Variants in DPH5 observed in about 807,000 individuals in gnomAD.
DPH5 encodes diphthine methyl ester synthase.
Under a neutral mutation model 31.6 loss-of-function variants are expected in DPH5, and 31 were observed. That is an observed-to-expected ratio of 0.98 (90% CI 0.74 to 1.32). The LOEUF (loss-of-function observed/expected upper bound fraction) is 1.32. Among genes scored for constraint, DPH5 ranks in the 40% most tolerant of loss-of-function variants. The probability of loss-of-function intolerance (pLI) is 0.00; values close to 1 mark genes in which losing one functional copy is unlikely to be tolerated. For missense variants in DPH5, 309 were observed against 335.7 expected (o/e 0.92, Z 0.62); for synonymous variants, 120 against 115.0 (o/e 1.04, Z -0.28).
At chr1:101,020,270 A>G (rs1660353366) in intron 3 of DPH5, among the ~76,000 whole-genome samples, 1 of 152,120 alleles carries the variant, frequency 6.6e-6, no homozygotes, top group Non-Finnish European at 1.5e-5. Flanking sequence ...AACCACCACT[A>G]ATCAACTCCA....
chr1:100,992,687 T>C lies in DPH5; in HGVS notation c.584A>G (p.Gln195Arg), dbSNP rs750826520. 2 of 1,613,896 alleles carry C rather than the reference T, an allele frequency of 1.2e-6. No individual in the cohort carries two copies. Among genetic ancestry groups the C allele is most frequent in the Non-Finnish European group, 1.7e-6 (2 of 1,179,946 alleles). Residue 195 changes from glutamine to arginine, a missense_variant, in exon 7 of 8, where the codon CAG (glutamine) becomes CGG (arginine). By Grantham distance (43) the Gln-to-Arg change is conservative. Coordinates refer to ENST00000370109, the MANE Select transcript of DPH5 (RefSeq NM_015958.3). The stretch of plus-strand genomic sequence containing the variant: ...ATTTTGAACAATCTCCAGAAGCTGC[T>C]GGGCTGCTTGGTTTACACTCATATA... ...PRYMSVNQAA[Q>R]QLLEIVQNQR...
chr1:101,021,498 C>T (rs760062907), intron 3 of DPH5, 143 bp downstream of exon 3: 22 of 722,120 alleles, frequency 3.0e-5, no homozygotes, highest in Admixed American at 6.4e-5. Flanking sequence ...AAAGTTTAAA[C>T]TATGACATTT....
chr1:101,010,257 C>T (rs954132071), intron 4 of DPH5, among the ~76,000 whole-genome samples: 32 of 152,132 alleles, frequency 2.1e-4, no homozygotes, highest in Non-Finnish European at 2.1e-4. Flanking sequence ...GCCTCTAATA[C>T]ACTTTTTATT....
intron 3 of DPH5, among the ~76,000 whole-genome samples, chr1:101,017,131 T>C (rs1660136394): frequency 6.6e-6 from 1 of 152,122 alleles, no homozygotes; most frequent in African/African-American, 2.4e-5. Flanking sequence ...AGTGAGAACA[T>C]GCTGTCAGAA....
intron 2 of DPH5, chr1:101,024,835 G>T (rs1241272830): frequency 1.3e-5 from 2 of 157,472 alleles, no homozygotes; most frequent in African/African-American, 4.8e-5. Context: ...CTTATTGGGA[G>T]ATAGTCTATT....
rs374397647 is a variant in DPH5, at chr1:100,992,806, A to G, written c.531-66T>C. ...AACTACATAATATGTTATTAATGCAATTAGCTCTCCCAGGTATACTCAAGT... is the reference window on the plus strand; with the variant it reads ...AACTACATAATATGTTATTAATGCAGTTAGCTCTCCCAGGTATACTCAAGT... On this transcript the variant is annotated intron_variant, in intron 6 of 7. Coordinates refer to ENST00000370109, the MANE Select transcript of DPH5 (RefSeq NM_015958.3). 1,470 of 1,102,486 alleles carry G rather than the reference A, an allele frequency of 1.3e-3. 41 individuals are homozygous for G. The South Asian group carries it at 0.019, about 14-fold the overall frequency. 68.3% of individuals were successfully genotyped at this position (1,102,486 alleles called of 1,614,324 possible). A position where few individuals can be genotyped will look rare whatever the true frequency, so the allele number is the denominator to read the frequency against.
Position 101,025,379 on chromosome 1 carries a change from ACTT to A in DPH5, c.62_64del (p.Glu21del). The A allele has an allele frequency of 6.2e-7, 1 of 1,614,198 alleles. No homozygotes were observed. The highest frequency in any genetic ancestry group is 8.5e-7 in the Non-Finnish European group (1 of 1,180,036). On this transcript the variant is annotated inframe_deletion, in exon 2 of 8. Transcript: ENST00000370109. ...ATACACTCGACTGCAGCGTCTAACA[ACTT>A]CCAGGCCCTTGACTGTGATGTCCTT...
At chr1:100,996,826 T>C (rs1468967489) in intron 5 of DPH5, among the ~76,000 whole-genome samples, 4 of 152,244 alleles carry the variant, frequency 2.6e-5, no homozygotes, top group Admixed American at 6.5e-5. Context: ...TTTTAAATTC[T>C]CTGTGTTTTC....
At chr1:101,021,609 G>GT in intron 3 of DPH5, 32 bp downstream of exon 3, 1 of 1,588,162 alleles carries the variant, frequency 6.3e-7, no homozygotes, top group South Asian at 1.1e-5. Flanking sequence ...AAGTAAATGA[G>GT]TTAAAAACTC....
intron 5 of DPH5, among the ~76,000 whole-genome samples, chr1:101,000,550 T>C (rs1421655949): frequency 1.3e-5 from 2 of 152,198 alleles, no homozygotes; most frequent in African/African-American, 2.4e-5. Context: ...TTATTCCTAT[T>C]TGATAAATAT....
intron 6 of DPH5, among the ~76,000 whole-genome samples, chr1:100,993,553 AATATAAATATAT>A (rs1313601946): frequency 5.6e-5 from 2 of 35,922 alleles, no homozygotes; most frequent in East Asian, 5.8e-4. Flanking sequence ...CTCTGTCGAA[AATATAAATATAT>A]ATATATATAT....
chr1:101,022,143 T>C (rs545846361), intron 2 of DPH5, among the ~76,000 whole-genome samples: 9 of 152,256 alleles, frequency 5.9e-5, no homozygotes, highest in African/African-American at 1.9e-4. Context: ...AGAATAAATA[T>C]ATTAAACAAT....
intron 4 of DPH5, among the ~76,000 whole-genome samples, chr1:101,008,743 GAAT>G (rs2101221164): frequency 6.6e-6 from 1 of 152,242 alleles, no homozygotes; most frequent in Admixed American, 6.5e-5. Context: ...TCTCTGTTAG[GAAT>G]GCCTTCTGCC....
intron 4 of DPH5, among the ~76,000 whole-genome samples, chr1:101,005,289 T>G (rs1036141554): frequency 6.6e-6 from 1 of 152,226 alleles, no homozygotes; most frequent in Non-Finnish European, 1.5e-5. Context: ...ATTTATATCC[T>G]AAATTAAATC....
intron 4 of DPH5, among the ~76,000 whole-genome samples, chr1:101,004,358 A>G (rs1466199966): frequency 6.6e-6 from 1 of 152,200 alleles, no homozygotes; most frequent in Non-Finnish European, 1.5e-5. Flanking sequence ...AGATTGCAGA[A>G]GCCTAAGTAT....
chr1:100,999,434 A>AGC (rs1658671764), intron 5 of DPH5, among the ~76,000 whole-genome samples: 1 of 152,130 alleles, frequency 6.6e-6, no homozygotes, highest in African/African-American at 2.4e-5. Context: ...TGGGAGACAG[A>AGC]GCGAGACCTT....
At chr1:101,015,950 C>G (rs1199843982) in intron 3 of DPH5, among the ~76,000 whole-genome samples, 2 of 152,186 alleles carry the variant, frequency 1.3e-5, no homozygotes, top group African/African-American at 4.8e-5. Flanking sequence ...AATATTGTGG[C>G]AGGTTTGATC....
chr1:101,018,623 G>A (rs751998823), intron 3 of DPH5, among the ~76,000 whole-genome samples: 10 of 152,160 alleles, frequency 6.6e-5, no homozygotes, highest in African/African-American at 7.2e-5. Flanking sequence ...TGTTTGCAAT[G>A]ATATAGCGCA....
At chr1:101,000,702 CTT>C (rs936618126) in intron 5 of DPH5, among the ~76,000 whole-genome samples, 3 of 152,288 alleles carry the variant, frequency 2.0e-5, no homozygotes, top group African/African-American at 7.2e-5. Context: ...CAGATTAAGT[CTT>C]TGATACCAGT....
Sources: allele counts gnomAD v4.1 joint callset (sites outside exome capture counted in the v4.1 genomes callset), GRCh38; gene constraint gnomAD v4.1.1; transcripts MANE v1.5; gene names NCBI Gene and HGNC (gene_info 2026-07-23, HGNC 2026-07-21).